HP1BP3: variants seen among roughly 807,000 people sequenced by gnomAD.
HP1BP3 encodes the protein heterochromatin protein 1-binding protein 3.
In HP1BP3, 12 loss-of-function variants were observed where a neutral mutation model predicts 62.5. That is an observed-to-expected ratio of 0.19 (90% CI 0.12 to 0.31). HP1BP3 has a LOEUF of 0.31. Ranked by LOEUF, HP1BP3 falls within the 10% of genes least tolerant of loss-of-function variation. The pLI, the probability that HP1BP3 is intolerant of heterozygous loss-of-function variation, is 1.00. For synonymous variants in HP1BP3, 260 were observed against 237.8 expected, an observed-to-expected ratio of 1.09 and a Z score of -0.86; for missense variants, 502 against 651.8, an observed-to-expected ratio of 0.77 and a Z score of 2.50.
intron 4 of HP1BP3, chr1:20,774,269 TGAG>T (rs1413821771): frequency 1.3e-5 from 2 of 151,436 alleles, no homozygotes; most frequent in Admixed American, 6.6e-5. Flanking sequence ...TTTAGGAGGC[TGAG>T]GAGGGAGGAC....
At chr1:20,745,426 T>C (rs112133036) in intron 12 of HP1BP3, 117 bp downstream of exon 12, 3 of 1,266,422 alleles carry the variant, frequency 2.4e-6, no homozygotes, top group African/African-American at 1.5e-5. Flanking sequence ...TATAAAGAAC[T>C]TGAGAAGGAT....
At chr1:20,761,434 G>A (rs7552264) in intron 8 of HP1BP3, among the ~76,000 whole-genome samples, 25,709 of 152,162 alleles carry the variant, frequency 0.17, 3,215 homozygotes, top group East Asian at 0.72. Flanking sequence ...CACAAAGTCA[G>A]GGTTTTTGGT....
intron 9 of HP1BP3, among the ~76,000 whole-genome samples, chr1:20,750,550 T>A (rs540720264): frequency 3.1e-4 from 47 of 150,018 alleles, no homozygotes; most frequent in Middle Eastern, 3.4e-3. Context: ...ATAAAATAAA[T>A]TTAAAAAAAA....
At chr1:20,784,476 C>CTTTT (rs368306686) in intron 1 of HP1BP3, among the ~76,000 whole-genome samples, 11 of 124,508 alleles carry the variant, frequency 8.8e-5, no homozygotes, top group African/African-American at 1.9e-4. Context: ...TGTGTTTTCC[C>CTTTT]TTTTTTTTTT....
chr1:20,775,895 T>C, intron 4 of HP1BP3: 1 of 1,421,756 alleles, frequency 7.0e-7, no homozygotes, highest in Non-Finnish European at 9.4e-7. Flanking sequence ...CCTAAAGATG[T>C]ATCTCTCAGA....
At chr1:20,747,498 CTT>C in intron 11 of HP1BP3, 44 bp downstream of exon 11, 2 of 1,170,692 alleles carry the variant, frequency 1.7e-6, no homozygotes, top group Non-Finnish European at 1.2e-6. Context: ...GAGTGTGTAA[CTT>C]AGACTATAAA....
intron 9 of HP1BP3, among the ~76,000 whole-genome samples, chr1:20,753,241 C>T (rs2055888451): frequency 6.6e-6 from 1 of 152,136 alleles, no homozygotes; most frequent in Non-Finnish European, 1.5e-5. Flanking sequence ...CGCGCCTGAC[C>T]TGTAATACTT....
At chr1:20,748,331 C>A (rs2055472541) in intron 10 of HP1BP3, among the ~76,000 whole-genome samples, 1 of 152,208 alleles carries the variant, frequency 6.6e-6, no homozygotes, top group Non-Finnish European at 1.5e-5. Context: ...TCATTCTCAT[C>A]TTTCTTACAG....
chr1:20,764,159 T>C (rs1389665531), intron 8 of HP1BP3, among the ~76,000 whole-genome samples: 1 of 152,222 alleles, frequency 6.6e-6, no homozygotes, highest in Non-Finnish European at 1.5e-5. Flanking sequence ...ATATCAGAAA[T>C]TGAAATAGTA....
intron 9 of HP1BP3, among the ~76,000 whole-genome samples, chr1:20,753,862 G>A (rs759728831): frequency 8.6e-5 from 13 of 151,518 alleles, no homozygotes; most frequent in Non-Finnish European, 1.9e-4. Context: ...ATATATAGAA[G>A]GGAACTTGCT....
chr1:20,742,311 G>A lies in HP1BP3; in HGVS notation c.*2486C>T, dbSNP rs1344342493. Among the ~76,000 whole-genome samples, 3 of 152,142 alleles carry A rather than the reference G, an allele frequency of 2.0e-5. No individual in the cohort carries two copies. The highest frequency in any genetic ancestry group is 7.2e-5 in the African/African-American group (3 of 41,424). ...GGAGTAATTACTACAATTACTTCTA[G>A]AATTTGATGTCTAGGATTTATCTGT... On this transcript the variant is annotated 3_prime_UTR_variant, in exon 13 of 13. Transcript: ENST00000438032.
At chr1:20,754,846 G>A (rs2056002919) in intron 9 of HP1BP3, among the ~76,000 whole-genome samples, 1 of 152,072 alleles carries the variant, frequency 6.6e-6, no homozygotes, top group South Asian at 2.1e-4. Context: ...CTAAATGTAG[G>A]AGCCAAAATT....
At chr1:20,784,722 C>T (rs927460748) in intron 1 of HP1BP3, among the ~76,000 whole-genome samples, 10 of 152,158 alleles carry the variant, frequency 6.6e-5, no homozygotes, top group Admixed American at 2.6e-4. Flanking sequence ...GTGATCCGCC[C>T]ACCTCAGCCT....
intron 7 of HP1BP3, among the ~76,000 whole-genome samples, chr1:20,766,050 G>C (rs2056767151): frequency 6.6e-6 from 1 of 151,814 alleles, no homozygotes; most frequent in African/African-American, 2.4e-5. Flanking sequence ...CCAGCACTTT[G>C]GGGGGCTGAG....
At chr1:20,747,805 A>G in intron 10 of HP1BP3, 150 bp from the exon 11 acceptor site, 1 of 599,672 alleles carries the variant, frequency 1.7e-6, no homozygotes, top group Non-Finnish European at 3.0e-6. Context: ...AAGGTATTTA[A>G]TTAAACATTT....
rs368984434 is a variant in HP1BP3, at chr1:20,771,082, G to T, written c.511-9C>A. 2 of 1,586,094 alleles carry T rather than the reference G, an allele frequency of 1.3e-6. No homozygotes were observed. The highest frequency in any genetic ancestry group is 1.4e-5 in the African/African-American group (1 of 73,266). Reference sequence around the variant, plus strand: ...CTCTTCTGGAAGCATGCCTAGAAAAGATTTATTAAACTAGTTGTTTTTTTT... The same window carrying T: ...CTCTTCTGGAAGCATGCCTAGAAAATATTTATTAAACTAGTTGTTTTTTTT... On this transcript the variant is annotated splice_polypyrimidine_tract_variant and intron_variant, in intron 5 of 12. Transcript: ENST00000438032.
chr1:20,773,041 T>C (rs1018978700), intron 5 of HP1BP3, among the ~76,000 whole-genome samples: 1 of 152,140 alleles, frequency 6.6e-6, no homozygotes, highest in Non-Finnish European at 1.5e-5. Flanking sequence ...TCAATATTTT[T>C]CAGTTACTGA....
chr1:20,781,406 G>C (rs182192099), intron 1 of HP1BP3, among the ~76,000 whole-genome samples: 1 of 152,308 alleles, frequency 6.6e-6, no homozygotes, highest in African/African-American at 2.4e-5. Flanking sequence ...AACTTGGCAA[G>C]TAACAGTCCC....
intron 1 of HP1BP3, among the ~76,000 whole-genome samples, chr1:20,781,499 A>C (rs2057544694): frequency 6.6e-6 from 1 of 152,256 alleles, no homozygotes; most frequent in African/African-American, 2.4e-5. Context: ...TTTTATGGGA[A>C]CACCAAGAAC....
Sources: gnomAD v4.1 joint callset for allele counts (sites outside exome capture counted in the v4.1 genomes callset) on GRCh38, gnomAD v4.1.1 for gene constraint, MANE v1.5 for transcripts, NCBI Gene and HGNC (gene_info 2026-07-23, HGNC 2026-07-21) for gene names.